SMIM35: variants seen among roughly 807,000 people sequenced by gnomAD.
The protein encoded by SMIM35 is small integral membrane protein 35.
At chr11:118,008,968 A>G (rs531562351) in intron 4 of SMIM35, among the ~76,000 whole-genome samples, 16 of 152,334 alleles carry the variant, frequency 1.1e-4, no homozygotes, top group Admixed American at 3.3e-4. Flanking sequence ...TAATAAAGTT[A>G]TGGGGGCCTG....
chr11:118,084,137 G>A (rs1467992627), intron 1 of SMIM35, among the ~76,000 whole-genome samples: 1 of 152,114 alleles, frequency 6.6e-6, no homozygotes, highest in Admixed American at 6.5e-5. Context: ...GAGACTTACT[G>A]CATCTCTCTT....
chr11:118,085,877 A>T (rs1377896572), intron 1 of SMIM35, among the ~76,000 whole-genome samples: 2 of 152,114 alleles, frequency 1.3e-5, no homozygotes, highest in Non-Finnish European at 2.9e-5. Context: ...TGGACCCACC[A>T]CTCTGGAACA....
intron 1 of SMIM35, among the ~76,000 whole-genome samples, chr11:118,021,599 A>T (rs2135035629): frequency 6.6e-6 from 1 of 152,312 alleles, no homozygotes; most frequent in South Asian, 2.1e-4. Flanking sequence ...AAGGGAAAAT[A>T]AAGATATACC....
chr11:118,048,957 A>AAAAAAAAAAAAAAAAAAG (rs1944160361), intron 1 of SMIM35, among the ~76,000 whole-genome samples: 2 of 151,222 alleles, frequency 1.3e-5, no homozygotes, highest in Non-Finnish European at 2.9e-5. Flanking sequence ...AAAAAAAAAA[A>AAAAAAAAAAAAAAAAAAG]AAAAAAAGCA....
chr11:118,037,228 C>A (rs1166022216), intron 1 of SMIM35, among the ~76,000 whole-genome samples: 1 of 152,196 alleles, frequency 6.6e-6, no homozygotes, highest in Non-Finnish European at 1.5e-5. Flanking sequence ...CAGGAGGATG[C>A]CTTCGATGTC....
At chr11:118,063,911 G>T (rs1360618215) in intron 1 of SMIM35, among the ~76,000 whole-genome samples, 1 of 152,196 alleles carries the variant, frequency 6.6e-6, no homozygotes, top group African/African-American at 2.4e-5. Context: ...AACCTGTAAA[G>T]GTAAGTGTTC....
intron 1 of SMIM35, chr11:118,077,134 C>T (rs1290855988): frequency 1.8e-5 from 12 of 654,628 alleles, no homozygotes; most frequent in Admixed American, 1.6e-4. Flanking sequence ...GGATGCTGGG[C>T]GTGAGGGACC....
At chr11:118,022,986 C>G (rs929533235) in intron 1 of SMIM35, among the ~76,000 whole-genome samples, 1 of 150,940 alleles carries the variant, frequency 6.6e-6, no homozygotes, top group Admixed American at 6.6e-5. Context: ...ACCCATCTAA[C>G]AAATCATAAA....
chr11:118,081,527 G>A (rs1294988581), intron 1 of SMIM35, among the ~76,000 whole-genome samples: 3 of 152,252 alleles, frequency 2.0e-5, no homozygotes, highest in African/African-American at 7.2e-5. Flanking sequence ...CGTGCAACCA[G>A]AAACTCTCGA....
intron 1 of SMIM35, among the ~76,000 whole-genome samples, chr11:118,062,286 T>C (rs1944404542): frequency 6.6e-6 from 1 of 152,168 alleles, no homozygotes; most frequent in African/African-American, 2.4e-5. Flanking sequence ...GCCAAGACTG[T>C]GCCATTGCAC....
chr11:118,027,015 A>ATTTTTTTTTT (rs2058279480), intron 1 of SMIM35, among the ~76,000 whole-genome samples: 1 of 77,146 alleles, frequency 1.3e-5, no homozygotes, highest in Non-Finnish European at 2.8e-5. Context: ...CACCACCACC[A>ATTTTTTTTTT]CTTTTTTTTT....
chr11:118,079,504 T>G (rs1944964226), intron 1 of SMIM35, among the ~76,000 whole-genome samples: 1 of 152,216 alleles, frequency 6.6e-6, no homozygotes, highest in Admixed American at 6.5e-5. Context: ...TGTCCCATGC[T>G]AACTACTCCA....
intron 1 of SMIM35, among the ~76,000 whole-genome samples, chr11:118,063,812 C>T (rs565073350): frequency 2.4e-4 from 36 of 152,318 alleles, no homozygotes; most frequent in Admixed American, 1.2e-3. Context: ...GGACCCGACT[C>T]GGGAGGGCAT....
chr11:118,086,701 C>G (rs1316291861), intron 1 of SMIM35, 50 bp downstream of exon 1: 1 of 153,040 alleles, frequency 6.5e-6, no homozygotes, highest in Non-Finnish European at 1.5e-5. Flanking sequence ...AAACTCACTC[C>G]CTCCTCTCCT....
chr11:118,077,399 T>C (rs1944738247), intron 1 of SMIM35: 2 of 1,410,524 alleles, frequency 1.4e-6, no homozygotes, highest in Admixed American at 2.5e-5. Flanking sequence ...CAGCTGAGAA[T>C]TCTGTGACAC....
chr11:118,085,245 A>C (rs1945458480), intron 1 of SMIM35, among the ~76,000 whole-genome samples: 1 of 122,152 alleles, frequency 8.2e-6, no homozygotes, highest in Non-Finnish European at 1.7e-5. Context: ...TTTTTTTGAG[A>C]CAGAGTCTAA....
intron 1 of SMIM35, among the ~76,000 whole-genome samples, chr11:118,062,269 G>A (rs879666375): frequency 2.0e-5 from 3 of 152,244 alleles, no homozygotes; most frequent in Non-Finnish European, 4.4e-5. Context: ...GGTGGAGGTT[G>A]CAGTGAGCCA....
intron 1 of SMIM35, chr11:118,028,832 G>A (rs928790630): frequency 5.8e-5 from 26 of 451,920 alleles, no homozygotes; most frequent in Non-Finnish European, 1.0e-4. Context: ...AGTAGAAGGG[G>A]AAAAGGAGAA....
At chr11:118,014,094 G>A (rs577993863) in intron 3 of SMIM35, among the ~76,000 whole-genome samples, 82 of 152,248 alleles carry the variant, frequency 5.4e-4, no homozygotes, top group Admixed American at 2.2e-3. Context: ...CTTCCAGCTC[G>A]CACTCCCTGA....
Sources: allele counts gnomAD v4.1 joint callset (sites outside exome capture counted in the v4.1 genomes callset), GRCh38; gene constraint gnomAD v4.1.1; transcripts MANE v1.5; gene names NCBI Gene and HGNC (gene_info 2026-07-23, HGNC 2026-07-21).